Variants in PBX3 observed in about 807,000 individuals in gnomAD.
PBX3 encodes PBX homeobox 3, also known as pre-B-cell leukemia transcription factor 3.
PBX3 carries 14 observed loss-of-function variants against 48.5 expected under a neutral mutation model. That is an observed-to-expected ratio of 0.29 (90% CI 0.19 to 0.45). The LOEUF (loss-of-function observed/expected upper bound fraction) is 0.45, where lower values mean the gene tolerates loss of function less well. Among genes scored for constraint, PBX3 ranks in the 20% least tolerant of loss-of-function variants. The pLI is 1.00. For missense variants in PBX3, 386 were observed against 546.7 expected, an observed-to-expected ratio of 0.71 and a Z score of 2.93; for synonymous variants, 210 against 200.3, an observed-to-expected ratio of 1.05 and a Z score of -0.41.
chr9:125,866,389 C>T (rs1839981488), intron 2 of PBX3, among the ~76,000 whole-genome samples: 2 of 152,144 alleles, frequency 1.3e-5, no homozygotes, highest in Admixed American at 1.3e-4. Flanking sequence ...ATTATTCTAA[C>T]TAGAAGTGAA....
At chr9:125,881,729 TCCTGTCTTGG>T (rs2132352398) in intron 2 of PBX3, among the ~76,000 whole-genome samples, 1 of 152,250 alleles carries the variant, frequency 6.6e-6, no homozygotes, top group African/African-American at 2.4e-5. Flanking sequence ...CAAGTGATGC[TCCTGTCTTGG>T]CCTCCCAAAG....
At chr9:125,816,317 A>T (rs141721528) in intron 2 of PBX3, among the ~76,000 whole-genome samples, 3,855 of 152,206 alleles carry the variant, frequency 0.025, 65 homozygotes, top group Middle Eastern at 0.051. Context: ...TCTCAATGGT[A>T]TACCCTTTAC....
At chr9:125,893,951 A>G (rs1840709493) in intron 2 of PBX3, among the ~76,000 whole-genome samples, 1 of 152,038 alleles carries the variant, frequency 6.6e-6, no homozygotes, top group African/African-American at 2.4e-5. Context: ...AGAGTGATCT[A>G]TTAACTCCTC....
chr9:125,821,143 A>G (rs1838640681), intron 2 of PBX3, among the ~76,000 whole-genome samples: 1 of 152,124 alleles, frequency 6.6e-6, no homozygotes, highest in Non-Finnish European at 1.5e-5. Context: ...TTAGGTGGTT[A>G]ATTTTTTCTT....
intron 3 of PBX3, among the ~76,000 whole-genome samples, chr9:125,922,217 A>G (rs1202503489): frequency 2.6e-5 from 4 of 152,220 alleles, no homozygotes; most frequent in Admixed American, 6.5e-5. Context: ...TAAATCCTCA[A>G]TTATTACTTG....
intron 2 of PBX3, among the ~76,000 whole-genome samples, chr9:125,797,199 A>C (rs965103443): frequency 6.6e-6 from 1 of 152,160 alleles, no homozygotes; most frequent in Non-Finnish European, 1.5e-5. Context: ...ATAATCCATA[A>C]CATAAAGAGC....
At chr9:125,848,677 C>A (rs1402390017) in intron 2 of PBX3, among the ~76,000 whole-genome samples, 1 of 151,870 alleles carries the variant, frequency 6.6e-6, no homozygotes, top group African/African-American at 2.4e-5. Context: ...AATTCTAATT[C>A]GTTCAAAAAG....
chr9:125,786,843 G>C (rs1327054679), intron 2 of PBX3, among the ~76,000 whole-genome samples: 1 of 151,124 alleles, frequency 6.6e-6, no homozygotes, highest in East Asian at 1.9e-4. Context: ...TCTCACCTCA[G>C]CCTCCTGAGT....
intron 2 of PBX3, among the ~76,000 whole-genome samples, chr9:125,751,763 A>G (rs542136374): frequency 2.0e-5 from 3 of 152,344 alleles, no homozygotes; most frequent in Admixed American, 2.0e-4. Context: ...TTTTAAAGCC[A>G]TATTTTATCA....
intron 2 of PBX3, among the ~76,000 whole-genome samples, chr9:125,828,546 A>G (rs1216152505): frequency 4.6e-5 from 7 of 152,186 alleles, no homozygotes; most frequent in Non-Finnish European, 1.0e-4. Context: ...AAGATTAGAA[A>G]AACATTTGAT....
At chr9:125,949,686 A>T (rs1413529933) in intron 5 of PBX3, among the ~76,000 whole-genome samples, 1 of 152,234 alleles carries the variant, frequency 6.6e-6, no homozygotes, top group Non-Finnish European at 1.5e-5. Flanking sequence ...AAAGAAAAGA[A>T]GACTGCAGTG....
chr9:125,773,617 G>A (rs1452191978), intron 2 of PBX3, among the ~76,000 whole-genome samples: 2 of 152,184 alleles, frequency 1.3e-5, no homozygotes, highest in African/African-American at 4.8e-5. Flanking sequence ...AATGTAGTAT[G>A]TGAGGAAGAA....
chr9:125,761,213 CT>C (rs879668457), intron 2 of PBX3, among the ~76,000 whole-genome samples: 155 of 143,508 alleles, frequency 1.1e-3, no homozygotes, highest in African/African-American at 1.4e-3. Context: ...TTTCTTTTTT[CT>C]TTTTTTTTTT....
At chr9:125,863,203 A>G (rs1051550276) in intron 2 of PBX3, among the ~76,000 whole-genome samples, 1 of 146,118 alleles carries the variant, frequency 6.8e-6, no homozygotes, top group African/African-American at 2.6e-5. Context: ...TGGCTGACAC[A>G]TGACATGATT....
chr9:125,851,715 A>G (rs1839584795), intron 2 of PBX3, among the ~76,000 whole-genome samples: 1 of 151,920 alleles, frequency 6.6e-6, no homozygotes, highest in Non-Finnish European at 1.5e-5. Flanking sequence ...TGTCTGCATT[A>G]TTTTTTCACC....
chr9:125,860,370 A>ATC (rs1162963251), intron 2 of PBX3, among the ~76,000 whole-genome samples: 1 of 152,178 alleles, frequency 6.6e-6, no homozygotes, highest in Non-Finnish European at 1.5e-5. Flanking sequence ...CCAGAGGGAG[A>ATC]GGAGAGTTGG....
intron 2 of PBX3, among the ~76,000 whole-genome samples, chr9:125,898,986 A>T (rs889080030): frequency 1.3e-5 from 2 of 151,066 alleles, no homozygotes; most frequent in Non-Finnish European, 3.0e-5. Context: ...AACAAAAACA[A>T]CTCTCAGAAA....
chr9:125,758,400 A>G (rs1252487267), intron 2 of PBX3, among the ~76,000 whole-genome samples: 1 of 152,014 alleles, frequency 6.6e-6, no homozygotes, highest in Admixed American at 6.6e-5. Context: ...CATGCCATCT[A>G]ATAGTGTTTT....
intron 2 of PBX3, among the ~76,000 whole-genome samples, chr9:125,776,641 T>C (rs10986902): frequency 0.02 from 3,062 of 152,188 alleles, 172 homozygotes; most frequent in East Asian, 0.17. Flanking sequence ...GCTCAAGTGG[T>C]TCTCCCACCT....
Sources: allele counts gnomAD v4.1 joint callset (sites outside exome capture counted in the v4.1 genomes callset), GRCh38; gene constraint gnomAD v4.1.1; transcripts MANE v1.5; gene names NCBI Gene and HGNC (gene_info 2026-07-23, HGNC 2026-07-21).